FAM13C: variants seen among roughly 807,000 people sequenced by gnomAD.
FAM13C encodes protein FAM13C.
In FAM13C, 37 loss-of-function variants were observed where a neutral mutation model predicts 73.2. The observed-to-expected ratio is 0.51, with a 90% confidence interval of 0.39 to 0.67. The LOEUF (loss-of-function observed/expected upper bound fraction) is 0.67. FAM13C is among the 30% of genes least tolerant of loss of function. FAM13C has a pLI of 0.00. For synonymous variants in FAM13C, 246 were observed against 260.9 expected, an observed-to-expected ratio of 0.94 and a Z score of 0.55; for missense variants, 589 against 715.6, an observed-to-expected ratio of 0.82 and a Z score of 2.02.
intron 12 of FAM13C, among the ~76,000 whole-genome samples, chr10:59,251,928 A>G (rs1310634795): frequency 6.6e-6 from 1 of 152,168 alleles, no homozygotes; most frequent in African/African-American, 2.4e-5. Context: ...GATTGATTGA[A>G]TCCACTGAAG....
chr10:59,317,049 G>C (rs1849611521), intron 4 of FAM13C, among the ~76,000 whole-genome samples: 1 of 151,762 alleles, frequency 6.6e-6, no homozygotes, highest in Non-Finnish European at 1.5e-5. Context: ...TTTTAACCTA[G>C]CATTAATAAT....
intron 5 of FAM13C, among the ~76,000 whole-genome samples, chr10:59,299,507 A>T (rs1169429412): frequency 7.2e-6 from 1 of 138,112 alleles, no homozygotes; most frequent in Non-Finnish European, 1.6e-5. Context: ...AGGACCCAAT[A>T]TGGCTTTTTT....
intron 5 of FAM13C, among the ~76,000 whole-genome samples, chr10:59,287,006 C>T (rs1164615256): frequency 1.4e-5 from 2 of 139,866 alleles, no homozygotes; most frequent in African/African-American, 2.7e-5. Flanking sequence ...TGCACTCCAG[C>T]CTGGGCAATA....
chr10:59,268,878 G>T (rs184786678), intron 7 of FAM13C, among the ~76,000 whole-genome samples, 187 bp from the exon 8 acceptor site: 5 of 152,272 alleles, frequency 3.3e-5, no homozygotes, highest in Admixed American at 6.5e-5. Context: ...TCTGTTATGG[G>T]TGGATGTTGT....
chr10:59,315,340 T>C (rs1215825975), intron 4 of FAM13C, among the ~76,000 whole-genome samples: 1 of 152,222 alleles, frequency 6.6e-6, no homozygotes, highest in Admixed American at 6.5e-5. Context: ...CATCTTGTGA[T>C]ACTGTTATGT....
chr10:59,361,242 C>T (rs1240747825), intron 1 of FAM13C: 4 of 441,452 alleles, frequency 9.1e-6, no homozygotes, highest in African/African-American at 4.2e-5. Context: ...CCACTTAAGT[C>T]TGCTCAAAAC....
At chr10:59,302,951 T>C (rs966852049) in intron 4 of FAM13C, 87 bp from the exon 5 acceptor site, 1 of 1,198,346 alleles carries the variant, frequency 8.3e-7, no homozygotes, top group Non-Finnish European at 1.2e-6. Context: ...AATCTGGCTG[T>C]ACCCCTGATA....
chr10:59,249,319 G>GCGGGAAC (rs1554803886), intron 13 of FAM13C, among the ~76,000 whole-genome samples: 30 of 150,538 alleles, frequency 2.0e-4, no homozygotes, highest in Non-Finnish European at 3.2e-4. Flanking sequence ...CAGGAGAATG[G>GCGGGAAC]CGTGAACCCA....
chr10:59,265,374 A>C (rs942508421), intron 8 of FAM13C, among the ~76,000 whole-genome samples: 1 of 124,024 alleles, frequency 8.1e-6, no homozygotes, highest in Admixed American at 1.1e-4. Context: ...ACACGTGGCC[A>C]TCAATCCCCA....
chr10:59,360,853 GAAAAAAA>G (rs10615623), intron 1 of FAM13C, among the ~76,000 whole-genome samples: 604 of 58,016 alleles, frequency 0.01, 6 homozygotes, highest in African/African-American at 0.028. Flanking sequence ...AACCTCTACA[GAAAAAAA>G]AAAAAAAAAA....
At chr10:59,287,515 T>C (rs1480331032) in intron 5 of FAM13C, among the ~76,000 whole-genome samples, 1 of 152,078 alleles carries the variant, frequency 6.6e-6, no homozygotes, top group African/African-American at 2.4e-5. Context: ...TGTCTCAAAT[T>C]TGTAAGTGCT....
Position 59,250,783 on chromosome 10 carries a change from G to A in FAM13C, c.1634+792C>T, listed in dbSNP as rs114064887. On this transcript the variant is annotated intron_variant, in intron 13 of 13. Transcript: ENST00000618804. ...ATCTACTTAATAACTTGTGGCTTTG[G>A]GAAAGTTACACTCTTCATTTATTTA... Among the ~76,000 whole-genome samples the A allele has an allele frequency of 2.6e-3, 402 of 152,190 alleles. 2 individuals are homozygous for A. Among genetic ancestry groups the A allele is most frequent in the African/African-American group, 9.1e-3 (377 of 41,534 alleles).
intron 5 of FAM13C, among the ~76,000 whole-genome samples, chr10:59,293,176 C>T (rs1652026546): frequency 6.7e-6 from 1 of 150,096 alleles, no homozygotes; most frequent in Admixed American, 6.7e-5. Context: ...TGGGTTCACG[C>T]CATTCTCCTG....
rs547199613 is a variant in FAM13C at position 59,349,290 on chromosome 10, A to T, written c.324+2980T>A. Among the ~76,000 whole-genome samples the T allele has an allele frequency of 5.1e-4, 77 of 152,320 alleles. No individual in the cohort carries two copies. The South Asian group carries it at 7.9e-3, about 16-fold the overall frequency. ...CAGTTTGTGTCTTTGGCAAAGATAA[A>T]TCTCAAGAGCCTCATAGTAAAGGAC... On this transcript the variant is annotated intron_variant, in intron 3 of 13. Coordinates refer to ENST00000618804, the MANE Select transcript of FAM13C (RefSeq NM_198215.4).
chr10:59,298,009 A>C (rs1317163568), intron 5 of FAM13C, among the ~76,000 whole-genome samples: 1 of 152,234 alleles, frequency 6.6e-6, no homozygotes, highest in African/African-American at 2.4e-5. Flanking sequence ...ACTGGTGTGC[A>C]AAAGACTCAT....
intron 4 of FAM13C, among the ~76,000 whole-genome samples, chr10:59,312,183 T>C (rs906958670): frequency 6.6e-6 from 1 of 152,224 alleles, no homozygotes; most frequent in African/African-American, 2.4e-5. Flanking sequence ...CGTATCACAC[T>C]GGCTTCTGTG....
At chr10:59,303,856 A>T (rs943056827) in intron 4 of FAM13C, among the ~76,000 whole-genome samples, 2 of 152,146 alleles carry the variant, frequency 1.3e-5, no homozygotes, top group African/African-American at 2.4e-5. Flanking sequence ...TCTTCTTTTA[A>T]AGTGTCTGTT....
In FAM13C at chr10:59,262,454, G is replaced by A. The variant is rs1842600577; in HGVS notation, c.1216C>T (p.Pro406Ser). 6.2e-7 allele frequency: 1 copy of A among 1,613,596 alleles called. No homozygotes were observed. Among genetic ancestry groups the A allele is most frequent in the East Asian group, 2.2e-5 (1 of 44,852 alleles). ...TCLKERREQLPPQEDSKVTKQ... is the reference protein window; with the variant it reads ...TCLKERREQLSPQEDSKVTKQ... ...TGTACCTTAGAATCCTCCTGGGGAG[G>A]AAGTTGCTCTCTTCTCTCCTTCAGG... is the stretch of plus-strand genomic sequence containing the variant. The change falls in exon 10 of 14, where the codon CCT (proline) becomes TCT (serine). Residue 406 changes from proline (P) to serine (S), a missense_variant. Transcript: ENST00000618804.
At chr10:59,306,405 C>A (rs1848256559) in intron 4 of FAM13C, among the ~76,000 whole-genome samples, 1 of 152,216 alleles carries the variant, frequency 6.6e-6, no homozygotes, top group Non-Finnish European at 1.5e-5. Flanking sequence ...TACTAACCAT[C>A]TGAATGTCTA....
Sources: allele counts gnomAD v4.1 joint callset (sites outside exome capture counted in the v4.1 genomes callset), GRCh38; gene constraint gnomAD v4.1.1; transcripts MANE v1.5; gene names NCBI Gene and HGNC (gene_info 2026-07-23, HGNC 2026-07-21).